The following SEC23A variants were observed in gnomAD, a reference collection of about 807,000 sequenced individuals.
SEC23A encodes the protein SEC23 homolog A, COPII component, also known as protein transport protein Sec23A.
In SEC23A, 56 loss-of-function variants were observed where a neutral mutation model predicts 103.7. The observed-to-expected ratio is 0.54, with a 90% confidence interval of 0.44 to 0.67. SEC23A has a LOEUF of 0.67. Ranked by LOEUF, SEC23A falls within the 30% of genes least tolerant of loss-of-function variation. The pLI is 0.00. For synonymous variants in SEC23A, 281 were observed against 293.0 expected (o/e 0.96, Z 0.42); for missense variants, 784 against 936.4 (o/e 0.84, Z 2.12).
chr14:39,050,295 A>G (rs558511764), intron 14 of SEC23A, among the ~76,000 whole-genome samples: 7 of 152,360 alleles, frequency 4.6e-5, no homozygotes, highest in Admixed American at 6.5e-5. Context: ...TCCCTTACAA[A>G]AAGGCTAATT....
At chr14:39,094,432 A>T (rs1594486852) in intron 2 of SEC23A, among the ~76,000 whole-genome samples, 1 of 36,846 alleles carries the variant, frequency 2.7e-5, no homozygotes, top group African/African-American at 2.3e-4. Context: ...ATATATATAT[A>T]TATATATATA....
intron 8 of SEC23A, among the ~76,000 whole-genome samples, chr14:39,074,936 T>A (rs1886964225): frequency 6.6e-6 from 1 of 152,066 alleles, no homozygotes; most frequent in Non-Finnish European, 1.5e-5. Flanking sequence ...TGAAACCCCG[T>A]CTCTACTAAA....
rs149271489 is a variant in SEC23A at position 39,083,341 on chromosome 14, T to C, written c.828+2421A>G. 8.7e-3 allele frequency among the ~76,000 whole-genome samples: 1,327 copies of C among 152,132 alleles called. 81 individuals are homozygous for C. The highest frequency in any genetic ancestry group is 0.079 in the Admixed American group (1,202 of 15,278). Reference sequence around the variant, plus strand: ...AAACTCAAAAGAATGCACCTACCTGTGTCTCTCACCTACCTGTCTCTCACC... The same window carrying C: ...AAACTCAAAAGAATGCACCTACCTGCGTCTCTCACCTACCTGTCTCTCACC... On this transcript the variant is annotated intron_variant, in intron 7 of 19. Transcript: ENST00000307712.
At chr14:39,059,338 G>A (rs1318735141) in intron 13 of SEC23A, among the ~76,000 whole-genome samples, 2 of 140,618 alleles carry the variant, frequency 1.4e-5, no homozygotes, top group African/African-American at 5.3e-5. Flanking sequence ...CATTGGAAAT[G>A]GTTGGGATAA....
intron 13 of SEC23A, among the ~76,000 whole-genome samples, chr14:39,059,303 A>AAC (rs1886384077): frequency 9.2e-6 from 1 of 109,144 alleles, no homozygotes; most frequent in African/African-American, 3.4e-5. Context: ...AAAAAAAAAA[A>AAC]AAAAAAACAA....
chr14:39,074,590 A>G (rs938189339), intron 8 of SEC23A, 60 bp from the exon 9 acceptor site: 2 of 1,019,136 alleles, frequency 2.0e-6, no homozygotes, highest in Non-Finnish European at 3.0e-6. Context: ...TCTTTTTTCC[A>G]TTAACAGATC....
chr14:39,045,049 T>C, intron 16 of SEC23A, 114 bp downstream of exon 16: 1 of 892,354 alleles, frequency 1.1e-6, no homozygotes, highest in Non-Finnish European at 1.8e-6. Flanking sequence ...ATGTCCATTC[T>C]TTTAGTTAAA....
At chr14:39,043,287 A>G (rs1478251990) in intron 16 of SEC23A, among the ~76,000 whole-genome samples, 4 of 152,180 alleles carry the variant, frequency 2.6e-5, no homozygotes, top group Non-Finnish European at 5.9e-5. Flanking sequence ...AACTTAGGCC[A>G]TGATGGCCTA....
At chr14:39,047,510 CA>C (rs374970367) in intron 15 of SEC23A, 53,704 of 498,984 alleles carry the variant, frequency 0.11, 1,120 homozygotes, top group African/African-American at 0.14. Context: ...ACAACAACAA[CA>C]AAAAAAAAAA....
At chr14:39,036,435 A>G (rs1021067540) in intron 19 of SEC23A, among the ~76,000 whole-genome samples, 2 of 150,638 alleles carry the variant, frequency 1.3e-5, no homozygotes, top group African/African-American at 2.4e-5. Context: ...TCTTCAGTTG[A>G]TTTTTGTATT....
intron 1 of SEC23A, among the ~76,000 whole-genome samples, 185 bp from the exon 2 acceptor site, chr14:39,096,324 A>C (rs544021792): frequency 1.3e-5 from 2 of 152,226 alleles, no homozygotes; most frequent in East Asian, 3.9e-4. Flanking sequence ...TGAGGTCGGG[A>C]GTTCGAGACC....
chr14:39,058,301 T>TA (rs11418828), intron 13 of SEC23A, among the ~76,000 whole-genome samples: 8 of 150,494 alleles, frequency 5.3e-5, no homozygotes, highest in South Asian at 2.1e-4. Flanking sequence ...TTTTTTTTTT[T>TA]AATTTTTTTT....
chr14:39,046,562 A>C (rs1002582931), intron 15 of SEC23A, among the ~76,000 whole-genome samples: 1 of 152,142 alleles, frequency 6.6e-6, no homozygotes, highest in Non-Finnish European at 1.5e-5. Flanking sequence ...AACGAATACC[A>C]TGACTTAAAA....
intron 18 of SEC23A, chr14:39,040,475 C>T: frequency 2.0e-6 from 1 of 510,568 alleles, no homozygotes; most frequent in Non-Finnish European, 3.5e-6. Context: ...CACCACAATG[C>T]CATCCTGGCC....
At position 39,048,003 on chromosome 14, in the gene SEC23A, C is replaced by T. The variant is rs189303054; in HGVS notation, c.1737+649G>A. ...TGATGATACCATACTGCAAGACTAGCTAACTGGTAAAATAACCTCAGATGA... is the reference window on the plus strand; with the variant it reads ...TGATGATACCATACTGCAAGACTAGTTAACTGGTAAAATAACCTCAGATGA... On this transcript the variant is annotated intron_variant, in intron 15 of 19. Coordinates refer to ENST00000307712, the MANE Select transcript of SEC23A (RefSeq NM_006364.4). 5.8e-4 allele frequency among the ~76,000 whole-genome samples: 88 copies of T among 152,296 alleles called. 1 individual carries two copies. Among genetic ancestry groups the T allele is most frequent in the African/African-American group, 1.9e-3 (78 of 41,556 alleles).
At chr14:39,055,867 C>A (rs1191456248) in intron 13 of SEC23A, among the ~76,000 whole-genome samples, 10 of 152,236 alleles carry the variant, frequency 6.6e-5, no homozygotes, top group Admixed American at 5.9e-4. Flanking sequence ...TTTTCTATAA[C>A]TAGCAACTTC....
chr14:39,077,868 G>A (rs1160390009), intron 7 of SEC23A, among the ~76,000 whole-genome samples: 1 of 152,162 alleles, frequency 6.6e-6, no homozygotes, highest in African/African-American at 2.4e-5. Flanking sequence ...AGGAGGTGGA[G>A]GTTGCAGTGA....
At position 39,033,336 on chromosome 14, in the gene SEC23A, A is replaced by AG. The variant is rs777722022; in HGVS notation, c.2209-9_2209-8insC. 15 of 1,398,152 alleles carry AG rather than the reference A, an allele frequency of 1.1e-5. No homozygotes were observed. The highest frequency in any genetic ancestry group is 1.4e-5 in the Non-Finnish European group (15 of 1,053,406). The allele number at this position is 1,398,152 out of a possible 1,614,324, so 86.6% of individuals were successfully genotyped here. On this transcript the variant is annotated splice_polypyrimidine_tract_variant and intron_variant, in intron 19 of 19. Transcript: ENST00000307712. ...AATAGGTGCTCCAGACTCCTAGAGG[A>AG]AAAAAGATATTTGTTATGATTAAAG...
At chr14:39,067,806 A>G (rs1392014577) in intron 9 of SEC23A, among the ~76,000 whole-genome samples, 2 of 151,390 alleles carry the variant, frequency 1.3e-5, no homozygotes, top group African/African-American at 4.9e-5. Flanking sequence ...AAGTAGCTGG[A>G]CTACAGGTTG....
Sources: allele counts gnomAD v4.1 joint callset (sites outside exome capture counted in the v4.1 genomes callset), GRCh38; gene constraint gnomAD v4.1.1; transcripts MANE v1.5; gene names NCBI Gene and HGNC (gene_info 2026-07-23, HGNC 2026-07-21).